NPAS3: variants seen among roughly 807,000 people sequenced by gnomAD.
NPAS3 encodes neuronal PAS domain-containing protein 3.
NPAS3 carries 14 observed loss-of-function variants against 73.1 expected under a neutral mutation model. That is an observed-to-expected ratio of 0.19 (90% CI 0.13 to 0.30). The LOEUF is 0.30. NPAS3 is among the 10% of genes least tolerant of loss of function. The pLI is 1.00. For synonymous variants in NPAS3, 620 were observed against 541.5 expected, an observed-to-expected ratio of 1.14 and a Z score of -2.01; for missense variants, 1,096 against 1,250.0, an observed-to-expected ratio of 0.88 and a Z score of 1.86.
intron 5 of NPAS3, chr14:33,612,580 C>T (rs1485158476): frequency 1.1e-5 from 5 of 445,470 alleles, no homozygotes; most frequent in South Asian, 3.2e-5. Context: ...TGTATACTTG[C>T]TTTTAAAGAT....
intron 4 of NPAS3, among the ~76,000 whole-genome samples, chr14:33,446,261 C>T (rs993638847): frequency 7.3e-5 from 11 of 149,774 alleles, no homozygotes; most frequent in South Asian, 2.1e-4. Context: ...CTGCAAGCTC[C>T]GCTTCCCGGG....
At chr14:33,352,575 T>C (rs140591548) in intron 3 of NPAS3, among the ~76,000 whole-genome samples, 1 of 152,308 alleles carries the variant, frequency 6.6e-6, no homozygotes, top group Non-Finnish European at 1.5e-5. Context: ...AACTAGTAAA[T>C]GCCAGGGCTG....
chr14:32,984,970 C>G (rs575765337), intron 1 of NPAS3, among the ~76,000 whole-genome samples: 1 of 152,144 alleles, frequency 6.6e-6, no homozygotes, highest in Admixed American at 6.5e-5. Context: ...GACTTGATAT[C>G]TATGTTGCAA....
chr14:33,646,082 T>A (rs1430851453), intron 5 of NPAS3, among the ~76,000 whole-genome samples: 1 of 152,088 alleles, frequency 6.6e-6, no homozygotes, highest in Non-Finnish European at 1.5e-5. Flanking sequence ...GAAAAGTTAA[T>A]CTAGTCTTGG....
At chr14:33,626,491 C>A (rs1487883025) in intron 5 of NPAS3, among the ~76,000 whole-genome samples, 1 of 152,200 alleles carries the variant, frequency 6.6e-6, no homozygotes, top group East Asian at 1.9e-4. Context: ...ACACCTTTAG[C>A]AATATTCCCC....
At chr14:33,543,636 C>T (rs2180955) in intron 4 of NPAS3, among the ~76,000 whole-genome samples, 66,895 of 151,872 alleles carry the variant, frequency 0.44, 15,924 homozygotes, top group African/African-American at 0.64. Flanking sequence ...TTAAACCACA[C>T]TTAGCTGACT....
chr14:33,605,326 T>C lies in NPAS3; in HGVS notation c.558+45116T>C, dbSNP rs75506947. ...GGGATGTTTGCTCTTGCCGCTTTAA[T>C]GTGACATTGCCTAGAACTTCTAGCC... On this transcript the variant is annotated intron_variant, in intron 5 of 11. Coordinates refer to ENST00000356141, the Ensembl canonical transcript of NPAS3. Among the ~76,000 whole-genome samples the C allele has an allele frequency of 0.013, 1,978 of 150,612 alleles. 103 individuals carry two copies. In the East Asian group the frequency reaches 0.2, roughly 15 times the overall value.
intron 3 of NPAS3, among the ~76,000 whole-genome samples, chr14:33,272,462 G>T (rs1280654295): frequency 6.6e-6 from 1 of 152,098 alleles, no homozygotes; most frequent in Non-Finnish European, 1.5e-5. Context: ...TGTCACTTAG[G>T]CTGGAGTGTA....
chr14:33,198,321 G>A (rs1430018219), intron 2 of NPAS3, among the ~76,000 whole-genome samples: 1 of 151,288 alleles, frequency 6.6e-6, no homozygotes, highest in African/African-American at 2.5e-5. Flanking sequence ...CCCACATCCT[G>A]CTGATTGGTC....
chr14:33,416,888 G>T (rs1430552758), intron 4 of NPAS3, among the ~76,000 whole-genome samples: 1 of 151,832 alleles, frequency 6.6e-6, no homozygotes, highest in Non-Finnish European at 1.5e-5. Context: ...ATTTTTGGTT[G>T]TTTTAATACA....
chr14:33,284,758 ATATCTATATCTATCTATC>A (rs1430165326), intron 3 of NPAS3, among the ~76,000 whole-genome samples: 1 of 130,340 alleles, frequency 7.7e-6, no homozygotes, highest in African/African-American at 2.8e-5. Flanking sequence ...CTATATATCT[ATATCTATATCTATCTATC>A]TATCTATCTA....
intron 4 of NPAS3, among the ~76,000 whole-genome samples, chr14:33,433,865 T>C (rs1450731440): frequency 1.3e-5 from 2 of 152,208 alleles, no homozygotes; most frequent in Non-Finnish European, 2.9e-5. Context: ...ATTTTCAAAA[T>C]GAATATAAAT....
intron 6 of NPAS3, among the ~76,000 whole-genome samples, chr14:33,714,408 T>C (rs1486127031): frequency 6.6e-6 from 1 of 152,156 alleles, no homozygotes; most frequent in African/African-American, 2.4e-5. Context: ...GTTAACTGAA[T>C]AAATTCTAAC....
intron 2 of NPAS3, among the ~76,000 whole-genome samples, chr14:33,089,282 A>G (rs1334477031): frequency 6.6e-6 from 1 of 152,224 alleles, no homozygotes; most frequent in Non-Finnish European, 1.5e-5. Context: ...AACTAGTATA[A>G]CCAGTGTGGA....
chr14:33,787,177 A>T (rs1040928740), intron 9 of NPAS3, among the ~76,000 whole-genome samples: 1 of 152,184 alleles, frequency 6.6e-6, no homozygotes, highest in Non-Finnish European at 1.5e-5. Flanking sequence ...AAATACTGTG[A>T]TCTCAGATGT....
At chr14:33,018,456 G>A (rs1185974914) in intron 1 of NPAS3, among the ~76,000 whole-genome samples, 1 of 152,166 alleles carries the variant, frequency 6.6e-6, no homozygotes, top group Non-Finnish European at 1.5e-5. Flanking sequence ...AGATACAATA[G>A]AGGAAATTCC....
intron 2 of NPAS3, among the ~76,000 whole-genome samples, chr14:33,067,217 A>G (rs1288600288): frequency 1.3e-5 from 2 of 152,184 alleles, no homozygotes; most frequent in African/African-American, 4.8e-5. Context: ...TCCATCCTCT[A>G]TTTGAGGATG....
intron 5 of NPAS3, among the ~76,000 whole-genome samples, chr14:33,574,442 C>T (rs1329679794): frequency 1.3e-5 from 2 of 152,078 alleles, no homozygotes; most frequent in Non-Finnish European, 2.9e-5. Context: ...TGAAAGATTT[C>T]CGTGATTTGA....
chr14:33,643,375 T>TAAAAA (rs755879056), intron 5 of NPAS3, among the ~76,000 whole-genome samples: 3 of 94,628 alleles, frequency 3.2e-5, no homozygotes, highest in Admixed American at 1.2e-4. Context: ...AAATAAAAAT[T>TAAAAA]AAAAAAAAAA....
Sources: allele counts gnomAD v4.1 joint callset (sites outside exome capture counted in the v4.1 genomes callset), GRCh38; gene constraint gnomAD v4.1.1; transcripts MANE v1.5; gene names NCBI Gene and HGNC (gene_info 2026-07-23, HGNC 2026-07-21).